The following DIP2B variants were observed in gnomAD, a reference collection of about 807,000 sequenced individuals.
The protein encoded by DIP2B is disco-interacting protein 2 homolog B.
In DIP2B, 76 loss-of-function variants were observed where a neutral mutation model predicts 198.0. The ratio of observed to expected loss-of-function variants is 0.38; its 90% confidence interval spans 0.32 to 0.46. The LOEUF (loss-of-function observed/expected upper bound fraction) is 0.46, where lower values mean the gene tolerates loss of function less well. DIP2B is among the 20% of genes least tolerant of loss of function. DIP2B has a pLI of 0.99. For missense variants in DIP2B, 1,559 were observed against 1,978.4 expected (o/e 0.79, Z 4.02); for synonymous variants, 701 against 739.1 (o/e 0.95, Z 0.84).
chr12:50,730,602 GTCT>G (rs974464692), intron 30 of DIP2B, among the ~76,000 whole-genome samples: 25 of 152,044 alleles, frequency 1.6e-4, no homozygotes, highest in African/African-American at 5.8e-4. Context: ...ACCCAGGCTG[GTCT>G]TCACCTTCTG....
intron 22 of DIP2B, among the ~76,000 whole-genome samples, chr12:50,708,827 A>C (rs1251101690): frequency 1.3e-5 from 2 of 152,230 alleles, no homozygotes; most frequent in East Asian, 3.8e-4. Flanking sequence ...TACTTGTGAA[A>C]GTTTTAACTG....
At chr12:50,713,803 G>GCT (rs1555194730) in intron 22 of DIP2B, among the ~76,000 whole-genome samples, 1 of 151,772 alleles carries the variant, frequency 6.6e-6, no homozygotes, top group Admixed American at 6.6e-5. Context: ...GCTGGGCATG[G>GCT]TATGACAGTA....
At chr12:50,525,180 A>G (rs1348555318) in intron 1 of DIP2B, among the ~76,000 whole-genome samples, 1 of 151,978 alleles carries the variant, frequency 6.6e-6, no homozygotes, top group Admixed American at 6.6e-5. Flanking sequence ...ACATGGTGAA[A>G]CCCCATCTCT....
At chr12:50,674,957 G>T (rs987999534) in intron 6 of DIP2B, among the ~76,000 whole-genome samples, 3 of 152,184 alleles carry the variant, frequency 2.0e-5, no homozygotes, top group African/African-American at 7.2e-5. Context: ...GAGGTCAGGA[G>T]ATCGAGACCA....
chr12:50,571,551 T>A (rs1317666545), intron 1 of DIP2B, among the ~76,000 whole-genome samples: 1 of 65,206 alleles, frequency 1.5e-5, no homozygotes, highest in Non-Finnish European at 3.0e-5. Flanking sequence ...CCTAGGCGTT[T>A]TTTTTTTTTT....
chr12:50,732,402 G>A lies in DIP2B; in HGVS notation c.3847G>A (p.Val1283Met). 3.7e-6 allele frequency: 6 copies of A among 1,614,250 alleles called. No individual in the cohort carries two copies. Among genetic ancestry groups the A allele is most frequent in the Non-Finnish European group, 4.2e-6 (5 of 1,180,042 alleles). ...CAACCTCTCCTGCGTCCGGACCTGT[G>A]TGGTGGTGGCGGAGGAGAGGCCCCG... ...GINLSCVRTC[V>M]VVAEERPRVA... is the part of the protein sequence containing the mutation. The change falls in exon 32 of 38, where the codon GTG becomes ATG. Residue 1283 changes from valine to methionine, a missense_variant. Physicochemically the swap from Val to Met is conservative, Grantham distance 21. Transcript: ENST00000301180.
intron 37 of DIP2B, among the ~76,000 whole-genome samples, chr12:50,742,862 C>G (rs1208595053): frequency 6.6e-6 from 1 of 151,860 alleles, no homozygotes; most frequent in East Asian, 1.9e-4. Context: ...CGCCACTGTA[C>G]TCCAGCCTGG....
At chr12:50,657,277 TA>T (rs1343695837) in intron 3 of DIP2B, among the ~76,000 whole-genome samples, 2 of 147,790 alleles carry the variant, frequency 1.4e-5, no homozygotes, top group African/African-American at 5.0e-5. Context: ...CAATGGATGC[TA>T]AAACTAGTGA....
chr12:50,651,751 A>T (rs1246437641), intron 3 of DIP2B, among the ~76,000 whole-genome samples: 1 of 152,078 alleles, frequency 6.6e-6, no homozygotes. Flanking sequence ...TTTTTTAAAA[A>T]TAGGGACACA....
At chr12:50,737,869 T>G (rs1229107807) in intron 35 of DIP2B, among the ~76,000 whole-genome samples, 2 of 152,168 alleles carry the variant, frequency 1.3e-5, no homozygotes, top group Non-Finnish European at 2.9e-5. Flanking sequence ...ATTACAGGCA[T>G]GAGCCCCCAT....
chr12:50,724,454 T>C (rs1486862029), intron 27 of DIP2B, among the ~76,000 whole-genome samples: 2 of 152,202 alleles, frequency 1.3e-5, no homozygotes, highest in African/African-American at 4.8e-5. Flanking sequence ...AAAACCCACA[T>C]CTTTATTTAA....
chr12:50,736,333 G>A (rs1940138460), intron 34 of DIP2B, among the ~76,000 whole-genome samples: 1 of 152,132 alleles, frequency 6.6e-6, no homozygotes, highest in Non-Finnish European at 1.5e-5. Flanking sequence ...TCTTCCTTGA[G>A]GTTTTAGATG....
Position 50,695,369 on chromosome 12 carries a change from C to T in DIP2B, c.1813+9C>T. 1 of 1,600,504 alleles carries T rather than the reference C, an allele frequency of 6.2e-7. No individual in the cohort carries two copies. Among genetic ancestry groups the T allele is most frequent in the South Asian group, 1.1e-5 (1 of 89,466 alleles). ...AGTACATGCTCACAAAGGTAGTCAC[C>T]TGCAACATCTGAGCTTTAATTATGT... is the stretch of plus-strand genomic sequence containing the variant. On this transcript the variant is annotated intron_variant, in intron 15 of 37. Transcript: ENST00000301180.
intron 19 of DIP2B, among the ~76,000 whole-genome samples, chr12:50,702,868 A>G (rs1824727363): frequency 6.6e-6 from 1 of 152,086 alleles, no homozygotes; most frequent in African/African-American, 2.4e-5. Flanking sequence ...AAATTCAGAC[A>G]TATTACTTAT....
At chr12:50,528,662 C>A (rs562943715) in intron 1 of DIP2B, among the ~76,000 whole-genome samples, 1 of 152,154 alleles carries the variant, frequency 6.6e-6, no homozygotes, top group East Asian at 1.9e-4. Context: ...TGAGTTCACC[C>A]AGGAAAGAGG....
chr12:50,648,392 C>T (rs1024312334), intron 3 of DIP2B, among the ~76,000 whole-genome samples: 3 of 152,000 alleles, frequency 2.0e-5, no homozygotes, highest in Admixed American at 6.6e-5. Context: ...GAGACGGAGT[C>T]TCGCTCTGTT....
At chr12:50,552,518 G>A (rs374141910) in intron 1 of DIP2B, among the ~76,000 whole-genome samples, 1 of 151,872 alleles carries the variant, frequency 6.6e-6, no homozygotes, top group Admixed American at 6.6e-5. Flanking sequence ...CACCCGCCTC[G>A]GCCTCCCAAA....
At position 50,691,047 on chromosome 12, in the gene DIP2B, A is replaced by G. The variant is rs1268364748; in HGVS notation, c.1552-2A>G. 6.2e-7 allele frequency: 1 copy of G among 1,612,576 alleles called. No individual in the cohort carries two copies. The highest frequency in any genetic ancestry group is 8.5e-7 in the Non-Finnish European group (1 of 1,179,266). ...TCTTATGTTTCTGTTTTTGTTTTCT[A>G]GTATAAAACAAGCAAAGAAGGGAGT... On this transcript the variant is annotated splice_acceptor_variant, in intron 12 of 37. Transcript: ENST00000301180. LOFTEE classifies it high-confidence loss of function.
At chr12:50,605,830 C>T (rs188555089) in intron 1 of DIP2B, among the ~76,000 whole-genome samples, 3 of 151,896 alleles carry the variant, frequency 2.0e-5, no homozygotes, top group East Asian at 1.9e-4. Flanking sequence ...TCTTTTCTTT[C>T]GTTTTTTTTA....
Sources: gnomAD v4.1 joint callset for allele counts (sites outside exome capture counted in the v4.1 genomes callset) on GRCh38, gnomAD v4.1.1 for gene constraint, MANE v1.5 for transcripts, NCBI Gene and HGNC (gene_info 2026-07-23, HGNC 2026-07-21) for gene names.